The following ZNF93 variants were observed in gnomAD, a reference collection of about 807,000 sequenced individuals.
ZNF93 encodes zinc finger protein 93, also known as zinc finger protein 505.
ZNF93 carries 29 observed loss-of-function variants against 45.0 expected under a neutral mutation model. The observed-to-expected ratio is 0.64, with a 90% confidence interval of 0.48 to 0.88. ZNF93 has a LOEUF of 0.88. ZNF93 is among the 40% of genes least tolerant of loss of function. ZNF93 has a pLI of 0.00. For synonymous variants in ZNF93, 223 were observed against 244.6 expected, an observed-to-expected ratio of 0.91 and a Z score of 0.82; for missense variants, 578 against 724.0, an observed-to-expected ratio of 0.80 and a Z score of 2.31.
intron 1 of ZNF93, chr19:19,908,705 T>G (rs1478141290): frequency 6.6e-6 from 1 of 152,038 alleles, no homozygotes; most frequent in Non-Finnish European, 1.5e-5. Flanking sequence ...TAGCCAGGCA[T>G]GGTGGCACAT....
chr19:19,903,037 C>G (rs916141222), intron 1 of ZNF93, among the ~76,000 whole-genome samples: 14 of 152,096 alleles, frequency 9.2e-5, no homozygotes, highest in African/African-American at 2.9e-4. Flanking sequence ...CCGCGCCCGG[C>G]CTTTGGGAGG....
intron 3 of ZNF93, among the ~76,000 whole-genome samples, chr19:19,920,377 G>T (rs527329544): frequency 6.6e-6 from 1 of 152,140 alleles, no homozygotes; most frequent in Non-Finnish European, 1.5e-5. Context: ...TTTTTGCATC[G>T]ATGTTCATCA....
intron 3 of ZNF93, among the ~76,000 whole-genome samples, chr19:19,927,468 A>G (rs2063359729): frequency 6.6e-6 from 1 of 152,172 alleles, no homozygotes; most frequent in Admixed American, 6.5e-5. Flanking sequence ...TTAAGTAACA[A>G]CTGCTCATTT....
At chr19:19,907,816 G>A (rs1372298180) in intron 1 of ZNF93, 2 of 152,044 alleles carry the variant, frequency 1.3e-5, no homozygotes, top group Admixed American at 1.3e-4. Context: ...TGGAATTACA[G>A]GTGTGAGCCA....
At chr19:19,907,549 C>CT (rs59393098) in intron 1 of ZNF93, among the ~76,000 whole-genome samples, 235 of 137,520 alleles carry the variant, frequency 1.7e-3, no homozygotes, top group South Asian at 7.0e-3. Context: ...ATTTTCTTTT[C>CT]TTTTTTTTTT....
At position 19,933,357 on chromosome 19, in the gene ZNF93, C is replaced by G. The variant is rs562734689; in HGVS notation, c.402C>G (p.Asn134Lys). The G allele has an allele frequency of 5.6e-6, 9 of 1,608,934 alleles. No homozygotes were observed. The highest frequency in any genetic ancestry group is 7.6e-6 in the Non-Finnish European group (9 of 1,177,918). ...KVHTGGYNGLNQCSTTTQSKV... is the reference protein window; with the variant it reads ...KVHTGGYNGLKQCSTTTQSKV... ...ACACAGGAGGTTATAATGGACTTAA[C>G]CAGTGTAGTACAACTACCCAGAGCA... The change falls in exon 4 of 4, where the codon AAC becomes AAG. Residue 134 changes from asparagine to lysine, a missense_variant. By Grantham distance (94) the Asn-to-Lys change is moderately conservative (BLOSUM62 0). Transcript: ENST00000343769.
rs1278008452 is a variant in ZNF93 at position 19,934,025 on chromosome 19, G to C, written c.1070G>C (p.Ser357Thr). ...GCCTTTATTGCATCCTCAACCCTTA[G>C]TAGACATGAGTTCATTCATATGGGA... The part of the protein sequence containing the change: ...GKAFIASSTL[S>T]RHEFIHMGKK... The change falls in exon 4 of 4, where the codon AGT becomes ACT. Residue 357 changes from serine to threonine, a missense_variant. Physicochemically the swap from Ser to Thr is moderately conservative, Grantham distance 58. Around this residue, in one of 3 missense-constraint regions of ZNF93, gnomAD observed 446 missense variants for 547.6 expected, o/e 0.81. Transcript: ENST00000343769. The C allele has an allele frequency of 1.9e-6, 3 of 1,612,502 alleles. No individual in the cohort carries two copies. In the South Asian group the frequency reaches 3.3e-5, roughly 18 times the overall value.
intron 3 of ZNF93, among the ~76,000 whole-genome samples, chr19:19,920,007 G>T (rs1167671281): frequency 2.0e-5 from 3 of 152,180 alleles, no homozygotes; most frequent in Admixed American, 2.0e-4. Flanking sequence ...ATTGGTAAGA[G>T]AGGGCATCCC....
intron 3 of ZNF93, among the ~76,000 whole-genome samples, chr19:19,930,125 T>A (rs1436539094): frequency 6.6e-6 from 1 of 151,738 alleles, no homozygotes; most frequent in Non-Finnish European, 1.5e-5. Context: ...GTGTGAGTCA[T>A]CTCCAATGAT....
chr19:19,925,755 T>A (rs2063354135), intron 3 of ZNF93, among the ~76,000 whole-genome samples: 1 of 152,126 alleles, frequency 6.6e-6, no homozygotes, highest in Admixed American at 6.5e-5. Context: ...TACTTTATTT[T>A]CTAATATTTG....
chr19:19,903,764 C>CTGTTG (rs990229899), intron 1 of ZNF93, among the ~76,000 whole-genome samples: 1 of 151,242 alleles, frequency 6.6e-6, no homozygotes, highest in African/African-American at 2.4e-5. Flanking sequence ...ACTCTGAAAA[C>CTGTTG]AAACAAACAG....
chr19:19,922,178 G>T (rs934997257), intron 3 of ZNF93, among the ~76,000 whole-genome samples: 2 of 152,116 alleles, frequency 1.3e-5, no homozygotes, highest in Admixed American at 1.3e-4. Flanking sequence ...GTCTGTAAAG[G>T]ATTTTATTTC....
intron 3 of ZNF93, among the ~76,000 whole-genome samples, 170 bp downstream of exon 3, chr19:19,916,825 G>A (rs1419072157): frequency 2.0e-5 from 3 of 152,040 alleles, no homozygotes; most frequent in South Asian, 2.1e-4. Flanking sequence ...TCTCACAAAG[G>A]GACATCTTCC....
intron 3 of ZNF93, among the ~76,000 whole-genome samples, chr19:19,920,305 T>C (rs1303222758): frequency 1.3e-5 from 2 of 152,226 alleles, no homozygotes; most frequent in African/African-American, 2.4e-5. Context: ...TGAAGCCCAC[T>C]TGATCATGGT....
chr19:19,929,501 A>G (rs1289503166), intron 3 of ZNF93, among the ~76,000 whole-genome samples: 2 of 152,122 alleles, frequency 1.3e-5, no homozygotes, highest in East Asian at 1.9e-4. Context: ...TATATTTTGG[A>G]GCTCTGATGT....
chr19:19,911,545 A>G (rs948825057), intron 1 of ZNF93, among the ~76,000 whole-genome samples: 49 of 152,214 alleles, frequency 3.2e-4, no homozygotes, highest in African/African-American at 1.2e-3. Context: ...GGCATTAAAA[A>G]AATACATGAA....
intron 1 of ZNF93, among the ~76,000 whole-genome samples, chr19:19,913,896 G>C (rs1176328541): frequency 6.6e-6 from 1 of 152,184 alleles, no homozygotes; most frequent in Non-Finnish European, 1.5e-5. Context: ...CTCCTGGACT[G>C]CCATGCGTTT....
At chr19:19,904,475 C>T (rs1313709940) in intron 1 of ZNF93, among the ~76,000 whole-genome samples, 2 of 152,108 alleles carry the variant, frequency 1.3e-5, no homozygotes, top group African/African-American at 2.4e-5. Flanking sequence ...AGTTTTTAAA[C>T]AGCAGCTCAG....
In ZNF93 at chr19:19,933,411, A is replaced by G. The variant is rs533565007; in HGVS notation, c.456A>G (p.Lys152=). 4 of 1,596,504 alleles carry G rather than the reference A, an allele frequency of 2.5e-6. No individual in the cohort carries two copies. The highest frequency in any genetic ancestry group is 3.6e-5 in the Admixed American group (2 of 55,288). ...TATTTCAATGTGATAAATATGGGAA[A>G]GTCTTTCATAAATTTTCAAATTCAA... ...SKVFQCDKYG[K]VFHKFSNSNR... The change falls in exon 4 of 4, where the codon AAA becomes AAG. Residue 152 remains lysine (K), a synonymous_variant. Coordinates refer to ENST00000343769, the MANE Select transcript of ZNF93 (RefSeq NM_031218.4).
Sources: allele counts gnomAD v4.1 joint callset (sites outside exome capture counted in the v4.1 genomes callset), GRCh38; gene constraint gnomAD v4.1.1; regional missense constraint gnomAD v4.1.1; transcripts MANE v1.5; gene names NCBI Gene and HGNC (gene_info 2026-07-23, HGNC 2026-07-21).